Variants in CSMD1 observed in about 807,000 individuals in gnomAD.
The protein encoded by CSMD1 is CUB and Sushi multiple domains 1.
CSMD1 carries 213 observed loss-of-function variants against 417.5 expected under a neutral mutation model. The observed-to-expected ratio is 0.51, with a 90% CI of 0.46 to 0.57. The LOEUF is 0.57. Ranked by LOEUF, CSMD1 falls within the 20% of genes least tolerant of loss-of-function variation. The pLI is 0.00. For synonymous variants in CSMD1, 2,862 were observed against 1,736.8 expected, an observed-to-expected ratio of 1.65 and a Z score of -16.11; for missense variants, 6,923 against 4,529.7, an observed-to-expected ratio of 1.53 and a Z score of -15.17.
At chr8:4,462,672 G>C (rs76037801) in intron 2 of CSMD1, among the ~76,000 whole-genome samples, 27,206 of 152,170 alleles carry the variant, frequency 0.18, 2,598 homozygotes, top group African/African-American at 0.23. Context: ...ACGTTCCAGA[G>C]ATAAAAACCA....
intron 10 of CSMD1, among the ~76,000 whole-genome samples, chr8:3,506,338 A>G (rs566086875): frequency 1.2e-4 from 19 of 152,302 alleles, no homozygotes; most frequent in African/African-American, 4.3e-4. Context: ...AGAGACAAGG[A>G]GGCTTGCCGG....
intron 3 of CSMD1, among the ~76,000 whole-genome samples, chr8:4,069,880 T>C (rs900851445): frequency 7.7e-6 from 1 of 129,450 alleles, no homozygotes; most frequent in African/African-American, 2.6e-5. Flanking sequence ...AACAGTAAGG[T>C]GTTTTGTTTT....
intron 5 of CSMD1, among the ~76,000 whole-genome samples, chr8:3,939,449 C>T (rs772307563): frequency 2.6e-5 from 4 of 152,016 alleles, no homozygotes; most frequent in African/African-American, 4.8e-5. Flanking sequence ...AAAGACAGTA[C>T]GGAGATTCCT....
intron 26 of CSMD1, among the ~76,000 whole-genome samples, chr8:3,246,719 C>T (rs946502764): frequency 5.3e-5 from 8 of 152,290 alleles, no homozygotes; most frequent in Admixed American, 2.6e-4. Context: ...TGATCTTGCC[C>T]GCCTTGGCAT....
intron 7 of CSMD1, among the ~76,000 whole-genome samples, chr8:3,704,030 C>T (rs775924022): frequency 5.9e-5 from 9 of 152,114 alleles, no homozygotes; most frequent in Non-Finnish European, 1.0e-4. Context: ...GAGATCCTGC[C>T]ACTGCACTCC....
chr8:3,296,404 T>C (rs1328782071), intron 25 of CSMD1, among the ~76,000 whole-genome samples: 1 of 151,978 alleles, frequency 6.6e-6, no homozygotes, highest in Non-Finnish European at 1.5e-5. Context: ...GAATGGGGGT[T>C]GTGAATTGGA....
rs6996944 is a variant in CSMD1, at chr8:4,001,766, A to T, written c.611-3656T>A. ...GCTCACTGAATCCAGGTAAGACCAG[A>T]GCACTGACTGCAACAGACAAGTGGT... On this transcript the variant is annotated intron_variant, in intron 4 of 69. Coordinates refer to ENST00000635120, the MANE Select transcript of CSMD1 (RefSeq NM_033225.6). Among the ~76,000 whole-genome samples the T allele has an allele frequency of 4.5e-3, 689 of 152,316 alleles. 6 individuals carry two copies. The highest frequency in any genetic ancestry group is 0.016 in the African/African-American group (674 of 41,568).
intron 1 of CSMD1, among the ~76,000 whole-genome samples, chr8:4,767,980 G>C (rs936715211): frequency 6.6e-6 from 1 of 152,168 alleles, no homozygotes; most frequent in African/African-American, 2.4e-5. Context: ...CTAGCACAGA[G>C]TGTGGAGCAT....
chr8:3,999,021 TATG>T (rs1563301742), intron 4 of CSMD1, among the ~76,000 whole-genome samples: 2 of 149,328 alleles, frequency 1.3e-5, no homozygotes, highest in Non-Finnish European at 3.0e-5. Flanking sequence ...ATATAAACTA[TATG>T]ATACTTTATA....
At chr8:3,390,010 T>C (rs185823065) in intron 17 of CSMD1, among the ~76,000 whole-genome samples, 1 of 152,202 alleles carries the variant, frequency 6.6e-6, no homozygotes, top group Admixed American at 6.5e-5. Context: ...CCAGTTCAAC[T>C]GAAACTGGCC....
Position 3,370,184 on chromosome 8 carries a change from A to G in CSMD1, c.2783-814T>C, listed in dbSNP as rs142646137. On this transcript the variant is annotated intron_variant, in intron 18 of 69. Coordinates refer to ENST00000635120, the MANE Select transcript of CSMD1 (RefSeq NM_033225.6). ...GACTCCATATGCCCTAATTTTACAG[A>G]CATCAAGAGGAGAATATTGACACGT... is the stretch of plus-strand genomic sequence containing the variant. Among the ~76,000 whole-genome samples the G allele has an allele frequency of 4.8e-3, 724 of 152,316 alleles. 5 individuals are homozygous for G. Among genetic ancestry groups the G allele is most frequent in the African/African-American group, 0.017 (705 of 41,582 alleles).
rs150666727 is a variant in CSMD1 at position 4,003,376 on chromosome 8, C to G, written c.611-5266G>C. On this transcript the variant is annotated intron_variant, in intron 4 of 69. Coordinates refer to ENST00000635120, the MANE Select transcript of CSMD1 (RefSeq NM_033225.6). ...CTACTGCACTCCAGCCTGGGCGACACAGCAAGACACTGTCTCAATAAACAA... is the reference window on the plus strand; with the variant it reads ...CTACTGCACTCCAGCCTGGGCGACAGAGCAAGACACTGTCTCAATAAACAA... 7.0e-3 allele frequency among the ~76,000 whole-genome samples: 1,053 copies of G among 151,496 alleles called. 10 individuals are homozygous for G. Among genetic ancestry groups the G allele is most frequent in the African/African-American group, 0.025 (1,015 of 41,270 alleles).
chr8:3,266,887 C>G (rs1801474548), intron 26 of CSMD1, among the ~76,000 whole-genome samples: 1 of 151,570 alleles, frequency 6.6e-6, no homozygotes, highest in East Asian at 1.9e-4. Context: ...TGTAGAAACA[C>G]AAAACCAGCT....
intron 2 of CSMD1, among the ~76,000 whole-genome samples, chr8:4,565,071 G>C (rs1350637669): frequency 3.9e-5 from 6 of 152,154 alleles, no homozygotes; most frequent in African/African-American, 1.2e-4. Context: ...AAACACTGAA[G>C]AAAAACTTTC....
intron 2 of CSMD1, among the ~76,000 whole-genome samples, chr8:4,618,566 G>C (rs577053049): frequency 1.3e-5 from 2 of 152,108 alleles, no homozygotes; most frequent in South Asian, 2.1e-4. Flanking sequence ...CGCCTACATA[G>C]CCTTCTCCTG....
At position 4,863,048 on chromosome 8, in the gene CSMD1, G is replaced by A. The variant is rs1802228680; in HGVS notation, c.85+131284C>T. Among the ~76,000 whole-genome samples the A allele has an allele frequency of 5.3e-5, 8 of 152,176 alleles. No homozygotes were observed. The South Asian group carries it at 1.7e-3, about 32-fold the overall frequency. ...GACAGCGACCCTTGGGCTTGACAAT[G>A]TGAGGTCCCTGGTGATTCTGGTGAA... On this transcript the variant is annotated intron_variant, in intron 1 of 69. Coordinates refer to ENST00000635120, the MANE Select transcript of CSMD1 (RefSeq NM_033225.6).
Position 3,083,648 on chromosome 8 carries a change from A to ATTT in CSMD1, c.7474+3446_7474+3448dup, listed in dbSNP as rs34049524. Among the ~76,000 whole-genome samples the ATTT allele has an allele frequency of 6.6e-4, 9 of 13,574 alleles. 1 individual carries two copies. Among genetic ancestry groups the ATTT allele is most frequent in the Non-Finnish European group, 7.2e-4 (6 of 8,390 alleles). The allele number at this position is 13,574 out of a possible 152,430, so 8.9% of individuals were successfully genotyped here. A position where few individuals can be genotyped will look rare whatever the true frequency, so the allele number is the denominator to read the frequency against. ...TATATATATATATATATATATATAT[A>ATTT]TTTTTTTTTTTTTTTTTTTTTTTTT... On this transcript the variant is annotated intron_variant, in intron 49 of 69. Transcript: ENST00000635120.
intron 7 of CSMD1, among the ~76,000 whole-genome samples, chr8:3,642,989 AT>A (rs1797380850): frequency 6.6e-6 from 1 of 152,126 alleles, no homozygotes; most frequent in South Asian, 2.1e-4. Flanking sequence ...GAATTAATAA[AT>A]TAAAAAAAAT....
At chr8:3,268,447 C>T (rs1025870729) in intron 26 of CSMD1, among the ~76,000 whole-genome samples, 1 of 151,908 alleles carries the variant, frequency 6.6e-6, no homozygotes, top group Non-Finnish European at 1.5e-5. Flanking sequence ...CGCCACCACG[C>T]CCAGCTGATT....
Sources: gnomAD v4.1 joint callset for allele counts (sites outside exome capture counted in the v4.1 genomes callset) on GRCh38, gnomAD v4.1.1 for gene constraint, MANE v1.5 for transcripts, NCBI Gene and HGNC (gene_info 2026-07-23, HGNC 2026-07-21) for gene names.